Variants in PLA2G6 observed in about 807,000 individuals in gnomAD.
The protein encoded by PLA2G6 is 85/88 kDa calcium-independent phospholipase A2.
A neutral mutation model predicts 83.8 loss-of-function variants in PLA2G6; 62 were observed. The ratio of observed to expected loss-of-function variants is 0.74; its 90% CI spans 0.60 to 0.91. The LOEUF (loss-of-function observed/expected upper bound fraction) is 0.91. Ranked by LOEUF, PLA2G6 falls within the 40% of genes least tolerant of loss-of-function variation. The pLI, the probability that PLA2G6 is intolerant of heterozygous loss-of-function variation, is 0.00. For synonymous variants in PLA2G6, 417 were observed against 449.8 expected (o/e 0.93, Z 0.92); for missense variants, 944 against 1,102.0 (o/e 0.86, Z 2.03).
At chr22:38,127,824 G>C (rs1422720977) in intron 9 of PLA2G6, among the ~76,000 whole-genome samples, 2 of 152,204 alleles carry the variant, frequency 1.3e-5, no homozygotes, top group Non-Finnish European at 2.9e-5. Flanking sequence ...TCACCACGGG[G>C]CCAGGAAGGG....
chr22:38,164,795 C>G (rs2090153682), intron 2 of PLA2G6, among the ~76,000 whole-genome samples: 1 of 152,178 alleles, frequency 6.6e-6, no homozygotes, highest in Admixed American at 6.5e-5. Flanking sequence ...TAGGGCAACA[C>G]AGGAGGAAGA....
chr22:38,144,101 A>T (rs2089088998), intron 3 of PLA2G6: 1 of 156,378 alleles, frequency 6.4e-6, no homozygotes, highest in African/African-American at 2.4e-5. Flanking sequence ...TAGGATAGAG[A>T]CTCAGAGGAG....
In PLA2G6 at chr22:38,120,730, G is replaced by A. The variant is rs774792085; in HGVS notation, c.1742+29C>T. The A allele has an allele frequency of 3.4e-5, 55 of 1,612,332 alleles. 1 individual carries two copies. Among genetic ancestry groups the A allele is most frequent in the Non-Finnish European group, 4.3e-5 (51 of 1,179,594 alleles). On this transcript the variant is annotated intron_variant, in intron 12 of 16. Coordinates refer to ENST00000332509, the MANE Select transcript of PLA2G6 (RefSeq NM_003560.4). Reference sequence around the variant, plus strand: ...GAACAGCCACAGTGGGCACAGCTGCGGCCACGGCCCCAGTGCGCCAGGGCT... The same window carrying A: ...GAACAGCCACAGTGGGCACAGCTGCAGCCACGGCCCCAGTGCGCCAGGGCT...
At chr22:38,121,052 C>G in intron 11 of PLA2G6, 143 bp from the exon 12 acceptor site, 1 of 823,344 alleles carries the variant, frequency 1.2e-6, no homozygotes, top group Non-Finnish European at 1.9e-6. Context: ...ATTCTGGGCC[C>G]TTCCTTTGCA....
intron 2 of PLA2G6, among the ~76,000 whole-genome samples, chr22:38,163,097 C>T (rs1846223733): frequency 6.6e-6 from 1 of 152,140 alleles, no homozygotes; most frequent in African/African-American, 2.4e-5. Context: ...TCTCATTCCC[C>T]AGGGACCTCA....
Position 38,112,187 on chromosome 22 carries a change from G to A in PLA2G6, c.2395C>T (p.Leu799Phe), listed in dbSNP as rs1410015067. The change falls in exon 17 of 17, where the codon CTC (leucine) becomes TTC (phenylalanine). Residue 799 changes from leucine (L) to phenylalanine (F), a missense_variant. Leu to Phe is a conservative substitution (Grantham distance 22). Coordinates refer to ENST00000332509, the MANE Select transcript of PLA2G6 (RefSeq NM_003560.4). The part of the protein sequence containing the change: ...IYEHREEFQK[L>F]IQLLLSP ...CAGGGTGAGAGCAGCAGCTGGATGA[G>A]CTTCTGGAACTCCTCGCGGTGCTCA... 3.8e-6 allele frequency: 6 copies of A among 1,596,452 alleles called. No homozygotes were observed. Among genetic ancestry groups the A allele is most frequent in the African/African-American group, 1.3e-5 (1 of 74,588 alleles).
At chr22:38,126,261 G>A (rs757791990) in intron 10 of PLA2G6, 110 bp downstream of exon 10, 9 of 815,798 alleles carry the variant, frequency 1.1e-5, no homozygotes, top group South Asian at 8.2e-5. Context: ...GAGCCACTTC[G>A]CCGGCTGTGA....
intron 2 of PLA2G6, chr22:38,148,599 G>A (rs1389017781): frequency 1.4e-6 from 1 of 715,472 alleles, no homozygotes; most frequent in African/African-American, 1.7e-5. Context: ...TGGGGCTCAG[G>A]ACACAGGGAC....
At position 38,132,034 on chromosome 22, in the gene PLA2G6, G is replaced by A. The variant is rs1288762912; in HGVS notation, c.1077+797C>T. On this transcript the variant is annotated intron_variant, in intron 7 of 16. Transcript: ENST00000332509. This position sits in a 1 kb window ranked among gnomAD's most constrained non-coding sequence, Gnocchi z 5.0. ...GGAGGCTGAGGCAGGAGAATCGCTT[G>A]AACCTGGGAGGCGGAGGTTGTGGTG... The A allele has an allele frequency of 2.3e-6, 1 of 425,898 alleles. No individual in the cohort carries two copies. The highest frequency in any genetic ancestry group is 1.7e-5 in the South Asian group (1 of 59,576). 26.4% of individuals were successfully genotyped at this position (425,898 alleles called of 1,614,324 possible).
intron 6 of PLA2G6, chr22:38,133,396 T>A: frequency 3.9e-6 from 1 of 255,522 alleles, no homozygotes; most frequent in Non-Finnish European, 7.8e-6. Flanking sequence ...GCAATGCACA[T>A]CCCTGGCAGA....
intron 1 of PLA2G6, among the ~76,000 whole-genome samples, chr22:38,178,317 T>C (rs2090715436): frequency 6.6e-6 from 1 of 152,158 alleles, no homozygotes; most frequent in South Asian, 2.1e-4. Context: ...ACTCCTGTAA[T>C]CCCAGCACTT....
chr22:38,151,725 A>T (rs916109126), intron 2 of PLA2G6, among the ~76,000 whole-genome samples: 4 of 152,222 alleles, frequency 2.6e-5, no homozygotes, highest in Non-Finnish European at 4.4e-5. Context: ...CGAAGCCTGG[A>T]AGGGAATACA....
intron 2 of PLA2G6, chr22:38,145,860 T>C (rs2089232424): frequency 1.7e-6 from 1 of 591,816 alleles, no homozygotes; most frequent in Non-Finnish European, 3.0e-6. Context: ...AATGACATAA[T>C]GGCGTTTAGG....
At chr22:38,176,496 C>T (rs927530145) in intron 1 of PLA2G6, among the ~76,000 whole-genome samples, 13 of 152,188 alleles carry the variant, frequency 8.5e-5, no homozygotes, top group African/African-American at 2.2e-4. Flanking sequence ...GTCCTGGCAG[C>T]AGAACCTGGC....
chr22:38,142,642 T>C (rs527347679), intron 4 of PLA2G6: 1 of 248,858 alleles, frequency 4.0e-6, no homozygotes, highest in South Asian at 5.3e-5. Flanking sequence ...GATCTCATAA[T>C]GTTTTAAGAA....
At chr22:38,154,370 A>G (rs963827496) in intron 2 of PLA2G6, among the ~76,000 whole-genome samples, 1 of 152,064 alleles carries the variant, frequency 6.6e-6, no homozygotes, top group Admixed American at 6.6e-5. Flanking sequence ...TGCCTGTGTC[A>G]CCCCTCTCCT....
chr22:38,177,952 G>C (rs1416621906), intron 1 of PLA2G6, among the ~76,000 whole-genome samples: 1 of 152,174 alleles, frequency 6.6e-6, no homozygotes, highest in Non-Finnish European at 1.5e-5. Flanking sequence ...GGCTGAGCGA[G>C]GCTTGCTCAA....
intron 13 of PLA2G6, 99 bp downstream of exon 13, chr22:38,115,976 C>G: frequency 1.3e-6 from 2 of 1,514,308 alleles, no homozygotes; most frequent in Non-Finnish European, 1.8e-6. Flanking sequence ...GCTGGTGGCA[C>G]GGTGAGGGTG....
At chr22:38,177,143 G>T (rs1383659030) in intron 1 of PLA2G6, among the ~76,000 whole-genome samples, 2 of 152,120 alleles carry the variant, frequency 1.3e-5, no homozygotes, top group Non-Finnish European at 2.9e-5. Context: ...GCAGGTTGTG[G>T]TGGGGGATTG....
Sources: gnomAD v4.1 joint callset for allele counts (sites outside exome capture counted in the v4.1 genomes callset) on GRCh38, gnomAD v4.1.1 for gene constraint, Gnocchi (gnomAD v3.1) non-coding constraint, MANE v1.5 for transcripts, NCBI Gene and HGNC (gene_info 2026-07-23, HGNC 2026-07-21) for gene names.